Variants in EVI5L observed in about 807,000 individuals in gnomAD.
The protein encoded by EVI5L is EVI5-like protein.
EVI5L carries 30 observed loss-of-function variants against 106.1 expected under a neutral mutation model. That is an observed-to-expected ratio of 0.28 (90% confidence interval 0.21 to 0.38). The LOEUF is 0.38. Among genes scored for constraint, EVI5L ranks in the 10% least tolerant of loss-of-function variants. The pLI, the probability that EVI5L is intolerant of heterozygous loss-of-function variation, is 1.00. For missense variants in EVI5L, 809 were observed against 1,098.0 expected (o/e 0.74, Z 3.72); for synonymous variants, 489 against 483.3 (o/e 1.01, Z -0.15).
chr19:7,845,462 G>C lies in EVI5L; in HGVS notation c.-47-1034G>C, dbSNP rs932081262. 2.0e-4 allele frequency among the ~76,000 whole-genome samples: 31 copies of C among 152,200 alleles called. 1 individual carries two copies. The highest frequency in any genetic ancestry group is 7.5e-4 in the African/African-American group (31 of 41,450). On this transcript the variant is annotated intron_variant, in intron 1 of 19. Transcript: ENST00000538904. The surrounding 1 kb of genome is among the most constrained non-coding windows in gnomAD (Gnocchi z 4.0). ...GGCTCCAGGATGGACAGTGATAGCC[G>C]ATGTCCGTGGGGCCATCACTGAGTG...
At chr19:7,836,272 A>ATCCC (rs1450708695) in intron 1 of EVI5L, among the ~76,000 whole-genome samples, 1 of 152,088 alleles carries the variant, frequency 6.6e-6, no homozygotes. Context: ...GGGGTAGGGG[A>ATCCC]GTAAGGGAAA....
Position 7,864,105 on chromosome 19 carries a change from G to C in EVI5L, c.*403G>C, listed in dbSNP as rs556945170. ...GGGACAGGGGCGACATTGCTGGGAA[G>C]TGCTCAGGAGGTAGCCGAGGCCTGA... On this transcript the variant is annotated 3_prime_UTR_variant, in exon 20 of 20. Transcript: ENST00000538904. The surrounding 1 kb of genome is among the most constrained non-coding windows in gnomAD (Gnocchi z 4.5). 5.1e-6 allele frequency: 1 copy of C among 195,000 alleles called. No homozygotes were observed. The highest frequency in any genetic ancestry group is 2.3e-5 in the African/African-American group (1 of 42,900). 12.1% of individuals were successfully genotyped at this position (195,000 alleles called of 1,614,324 possible).
At chr19:7,854,637 C>T (rs1979437053) in intron 10 of EVI5L, among the ~76,000 whole-genome samples, 2 of 152,152 alleles carry the variant, frequency 1.3e-5, no homozygotes, top group African/African-American at 2.4e-5. Flanking sequence ...AAAAGGTGTG[C>T]CCAGCTCCTG....
In EVI5L at chr19:7,835,262, C is replaced by T. The variant is rs906370356; in HGVS notation, c.-48+4881C>T. ...GTGGCTCACACCTGTAATCCCAGTA[C>T]TTTGGGAGGCTGAGGCGGGTGCATC... On this transcript the variant is annotated intron_variant, in intron 1 of 19. Coordinates refer to ENST00000538904, the MANE Select transcript of EVI5L (RefSeq NM_001159944.3). This position sits in a 1 kb window ranked among gnomAD's most constrained non-coding sequence, Gnocchi z 4.1. Among the ~76,000 whole-genome samples the T allele has an allele frequency of 1.3e-5, 2 of 152,046 alleles. No homozygotes were observed. The highest frequency in any genetic ancestry group is 2.9e-5 in the Non-Finnish European group (2 of 68,012).
Position 7,845,706 on chromosome 19 carries a change from G to C in EVI5L, c.-47-790G>C, listed in dbSNP as rs149313248. On this transcript the variant is annotated intron_variant, in intron 1 of 19. Transcript: ENST00000538904. The surrounding 1 kb of genome is among the most constrained non-coding windows in gnomAD (Gnocchi z 4.0). ...ACATGGCATTGATCTGCCTCCACCA[G>C]GGTGGCAGAAGGCGAGAGGCCAGTG... Among the ~76,000 whole-genome samples, 2 of 152,224 alleles carry C rather than the reference G, an allele frequency of 1.3e-5. No homozygotes were observed. The highest frequency in any genetic ancestry group is 2.9e-5 in the Non-Finnish European group (2 of 68,034).
chr19:7,853,482 C>A, intron 10 of EVI5L, 149 bp downstream of exon 10: 1 of 1,052,428 alleles, frequency 9.5e-7, no homozygotes. Flanking sequence ...CGCCCACCTG[C>A]GCCGTCCTTC....
intron 1 of EVI5L, among the ~76,000 whole-genome samples, chr19:7,844,205 G>A (rs943575688): frequency 2.0e-5 from 3 of 151,890 alleles, no homozygotes; most frequent in Admixed American, 2.0e-4. Context: ...ACAAAAATTA[G>A]CTGGGCGTGG....
chr19:7,862,656 T>C lies in EVI5L; in HGVS notation c.1947+122T>C, dbSNP rs1471080667. On this transcript the variant is annotated intron_variant, in intron 17 of 19. Coordinates refer to ENST00000538904, the MANE Select transcript of EVI5L (RefSeq NM_001159944.3). ...CCTCCCGATCTGCCCCTGCCCGCGG[T>C]CCTCCCGCCCCCGCCCGCGGCCCCG... is the stretch of plus-strand genomic sequence containing the variant. The C allele has an allele frequency of 2.5e-3, 1,981 of 785,034 alleles. 2 individuals are homozygous for C. The highest frequency in any genetic ancestry group is 3.0e-3 in the Non-Finnish European group (1,819 of 602,662). The allele number at this position is 785,034 out of a possible 1,614,324, so 48.6% of individuals were successfully genotyped here.
At chr19:7,830,888 T>C (rs1599555889) in intron 1 of EVI5L, among the ~76,000 whole-genome samples, 1 of 26,540 alleles carries the variant, frequency 3.8e-5, no homozygotes, top group Non-Finnish European at 7.2e-5. Flanking sequence ...TGCCCCCACC[T>C]CTCCCCAAGG....
intron 10 of EVI5L, among the ~76,000 whole-genome samples, chr19:7,853,906 A>AG (rs1979389190): frequency 6.6e-6 from 1 of 152,212 alleles, no homozygotes; most frequent in South Asian, 2.1e-4. Context: ...CTGCCAGGTC[A>AG]GGGGGTTTCC....
chr19:7,859,766 ACCT>A (rs951689844), intron 13 of EVI5L, among the ~76,000 whole-genome samples: 2 of 152,150 alleles, frequency 1.3e-5, no homozygotes, highest in Middle Eastern at 3.2e-3. Flanking sequence ...GCCCAAGGCC[ACCT>A]CCTCAGGCCC....
intron 1 of EVI5L, among the ~76,000 whole-genome samples, chr19:7,838,801 G>A (rs1468317905): frequency 6.6e-6 from 1 of 152,060 alleles, no homozygotes; most frequent in East Asian, 1.9e-4. Flanking sequence ...AAGCGAGCCA[G>A]GATGCTGGAA....
chr19:7,859,502 C>T (rs1979696623), intron 13 of EVI5L, among the ~76,000 whole-genome samples: 1 of 152,248 alleles, frequency 6.6e-6, no homozygotes, highest in East Asian at 1.9e-4. Context: ...AGCGGATCCA[C>T]TGCTCCTGGG....
Position 7,849,173 on chromosome 19 carries a change from G to T in EVI5L, c.552+28G>T, listed in dbSNP as rs201162895. The T allele has an allele frequency of 4.5e-5, 73 of 1,612,052 alleles. No individual in the cohort carries two copies. In the East Asian group the frequency reaches 1.5e-3, roughly 34 times the overall value. ...GAGGCCCAGGGCTCCCCGCTCCCTC[G>T]GTCCCAAAGGAAGGAGAAGTTCCCC... On this transcript the variant is annotated intron_variant, in intron 4 of 19. Coordinates refer to ENST00000538904, the MANE Select transcript of EVI5L (RefSeq NM_001159944.3).
chr19:7,854,253 G>C (rs925197237), intron 10 of EVI5L, among the ~76,000 whole-genome samples: 10 of 146,748 alleles, frequency 6.8e-5, no homozygotes, highest in African/African-American at 2.3e-4. Context: ...TTGCACTCCA[G>C]CCTGGGCGAC....
chr19:7,836,104 G>T (rs564795081), intron 1 of EVI5L, among the ~76,000 whole-genome samples: 3 of 152,270 alleles, frequency 2.0e-5, no homozygotes, highest in Admixed American at 2.0e-4. Flanking sequence ...AGATATGGTG[G>T]CACGCACCTG....
At position 7,847,852 on chromosome 19, in the gene EVI5L, G is replaced by A. The variant is rs140398803; in HGVS notation, c.258G>A (p.Thr86=). 758 of 1,605,556 alleles carry A rather than the reference G, an allele frequency of 4.7e-4. 1 individual carries two copies. The highest frequency in any genetic ancestry group is 5.9e-4 in the Non-Finnish European group (691 of 1,176,156). Residue 86 remains threonine (T), a synonymous_variant, in exon 3 of 20, where the codon ACG becomes ACA. Coordinates refer to ENST00000538904, the MANE Select transcript of EVI5L (RefSeq NM_001159944.3). ...ACCTGAGCCACCTGGAGGAGGACAC[G>A]TGGATCCTGTGGGGCCGGATCGCCA... The part of the protein sequence containing the change: ...SSNLSHLEED[T]WILWGRIANE...
intron 6 of EVI5L, 114 bp from the exon 7 acceptor site, chr19:7,851,320 G>A: frequency 7.7e-7 from 1 of 1,302,964 alleles, no homozygotes; most frequent in Non-Finnish European, 1.0e-6. Context: ...GGAGCCTCAG[G>A]CTGCCCAGCG....
chr19:7,843,675 A>AGT (rs750354246), intron 1 of EVI5L, among the ~76,000 whole-genome samples: 19 of 114,068 alleles, frequency 1.7e-4, no homozygotes, highest in East Asian at 9.3e-4. Context: ...TAGGTGTATG[A>AGT]GTGTGTGTGT....
Sources: allele counts gnomAD v4.1 joint callset (sites outside exome capture counted in the v4.1 genomes callset), GRCh38; gene constraint gnomAD v4.1.1; non-coding constraint Gnocchi (gnomAD v3.1); transcripts MANE v1.5; gene names NCBI Gene and HGNC (gene_info 2026-07-23, HGNC 2026-07-21).